The following MAP3K5 variants were observed in gnomAD, a reference collection of about 807,000 sequenced individuals.
MAP3K5 encodes the protein ASK-1.
MAP3K5 carries 56 observed loss-of-function variants against 158.7 expected under a neutral mutation model. That is an observed-to-expected ratio of 0.35 (90% confidence interval 0.28 to 0.44). The LOEUF (loss-of-function observed/expected upper bound fraction) is 0.44, where lower values mean the gene tolerates loss of function less well. Ranked by LOEUF, MAP3K5 falls within the 20% of genes least tolerant of loss-of-function variation. MAP3K5 has a pLI of 1.00. For synonymous variants in MAP3K5, 579 were observed against 601.7 expected, an observed-to-expected ratio of 0.96 and a Z score of 0.55; for missense variants, 1,294 against 1,674.8, an observed-to-expected ratio of 0.77 and a Z score of 3.97.
chr6:136,620,969 G>A (rs894980044), intron 15 of MAP3K5, among the ~76,000 whole-genome samples: 2 of 152,164 alleles, frequency 1.3e-5, no homozygotes, highest in Admixed American at 1.3e-4. Context: ...CCTTTCACAA[G>A]GCCTCACTAT....
chr6:136,589,769 C>T (rs532848941), intron 23 of MAP3K5, among the ~76,000 whole-genome samples: 1 of 152,224 alleles, frequency 6.6e-6, no homozygotes, highest in Admixed American at 6.5e-5. Flanking sequence ...AGAAGGTGGC[C>T]ATCTGCAAGC....
At chr6:136,669,452 G>T in intron 7 of MAP3K5, 57 bp from the exon 8 acceptor site, 1 of 973,418 alleles carries the variant, frequency 1.0e-6, no homozygotes, top group Admixed American at 1.9e-5. Context: ...CCCTGGGTGT[G>T]TAATAGCTTC....
intron 1 of MAP3K5, among the ~76,000 whole-genome samples, chr6:136,786,609 T>C (rs894850709): frequency 6.6e-6 from 1 of 152,046 alleles, no homozygotes; most frequent in Non-Finnish European, 1.5e-5. Context: ...GAGCATTAGC[T>C]TCACCTCAGA....
chr6:136,632,182 C>G (rs1431782638), intron 14 of MAP3K5, among the ~76,000 whole-genome samples: 1 of 152,076 alleles, frequency 6.6e-6, no homozygotes, highest in Non-Finnish European at 1.5e-5. Flanking sequence ...AAGCTACAGC[C>G]AGAGGGGGTG....
In MAP3K5 at chr6:136,669,239, G is replaced by A. The variant is rs1198753508; in HGVS notation, c.1366+44C>T. The A allele has an allele frequency of 4.0e-6, 5 of 1,258,994 alleles. No homozygotes were observed. The Admixed American group carries it at 8.5e-5, about 21-fold the overall frequency. The allele number at this position is 1,258,994 out of a possible 1,614,324, so 78.0% of individuals were successfully genotyped here. A position where few individuals can be genotyped will look rare whatever the true frequency, so the allele number is the denominator to read the frequency against. On this transcript the variant is annotated intron_variant, in intron 8 of 29. Coordinates refer to ENST00000359015, the MANE Select transcript of MAP3K5 (RefSeq NM_005923.4). ...ATTCTTTTTCTTTGCACCAAGTTGG[G>A]TCCAGTTTCTTGATTTCCATGTAAA...
chr6:136,638,232 G>A (rs1349096044), intron 13 of MAP3K5, among the ~76,000 whole-genome samples: 1 of 152,104 alleles, frequency 6.6e-6, no homozygotes, highest in Non-Finnish European at 1.5e-5. Context: ...AAAAAAATCT[G>A]GTGTTACAGA....
chr6:136,720,677 A>G (rs1781712370), intron 1 of MAP3K5, 88 bp from the exon 2 acceptor site: 1 of 972,288 alleles, frequency 1.0e-6, no homozygotes, highest in Non-Finnish European at 1.5e-6. Flanking sequence ...TTAGTATTCA[A>G]AAGAGGAAAT....
chr6:136,680,238 A>G (rs1779875888), intron 7 of MAP3K5, among the ~76,000 whole-genome samples: 1 of 152,186 alleles, frequency 6.6e-6, no homozygotes, highest in Non-Finnish European at 1.5e-5. Flanking sequence ...GCAAGATGAA[A>G]AAATTTTCTG....
In MAP3K5 at chr6:136,637,384, T is replaced by A; in HGVS notation, c.1957A>T (p.Ile653Phe). The A allele has an allele frequency of 1.2e-6, 2 of 1,609,822 alleles. No individual in the cohort carries two copies. Among genetic ancestry groups the A allele is most frequent in the Non-Finnish European group, 1.7e-6 (2 of 1,176,086 alleles). ...GTGCTTCTCCCCTTCTCTTCGGTAA[T>A]GGTGTTCACCATCTCAAAAAACCTA... The part of the protein sequence containing the change: ...CKKFFEMVNT[I>F]TEEKGRSTEE... Residue 653 changes from isoleucine to phenylalanine, a missense_variant, in exon 14 of 30, where the codon ATT becomes TTT. Around this residue, in one of 5 missense-constraint regions of MAP3K5, gnomAD observed 690 missense variants for 870.5 expected, o/e 0.79. Coordinates refer to ENST00000359015, the MANE Select transcript of MAP3K5 (RefSeq NM_005923.4).
chr6:136,714,149 T>C (rs1003460462), intron 2 of MAP3K5, among the ~76,000 whole-genome samples: 4 of 152,210 alleles, frequency 2.6e-5, no homozygotes, highest in Non-Finnish European at 5.9e-5. Context: ...GGAAGTACTG[T>C]TTTTTGTTTG....
chr6:136,634,889 CT>C (rs58485489), intron 14 of MAP3K5, among the ~76,000 whole-genome samples: 108 of 142,374 alleles, frequency 7.6e-4, no homozygotes, highest in Admixed American at 9.1e-4. Context: ...CTTTTCTTCT[CT>C]TTTTTTTTTT....
intron 7 of MAP3K5, among the ~76,000 whole-genome samples, chr6:136,681,090 A>T (rs974976586): frequency 6.6e-6 from 1 of 152,188 alleles, no homozygotes; most frequent in Non-Finnish European, 1.5e-5. Flanking sequence ...ACAATTTCAC[A>T]TTGTTAAAAA....
rs199630795 is a variant in MAP3K5 at position 136,611,233 on chromosome 6, A to G, written c.2521+49T>C. 4 of 1,169,876 alleles carry G rather than the reference A, an allele frequency of 3.4e-6. No individual in the cohort carries two copies. In the African/African-American group the frequency reaches 6.0e-5, roughly 18 times the overall value. The allele number at this position is 1,169,876 out of a possible 1,614,324, so 72.5% of individuals were successfully genotyped here. A position where few individuals can be genotyped will look rare whatever the true frequency, so the allele number is the denominator to read the frequency against. On this transcript the variant is annotated intron_variant, in intron 18 of 29. Coordinates refer to ENST00000359015, the MANE Select transcript of MAP3K5 (RefSeq NM_005923.4). ...TCTCACATTGTGCTCAAACTCAGCAATTATTTCTTTAATTACATAAGATCT... is the reference window on the plus strand; with the variant it reads ...TCTCACATTGTGCTCAAACTCAGCAGTTATTTCTTTAATTACATAAGATCT...
intron 8 of MAP3K5, among the ~76,000 whole-genome samples, chr6:136,663,964 C>T (rs1034944031): frequency 1.3e-5 from 2 of 152,016 alleles, no homozygotes; most frequent in African/African-American, 4.8e-5. Flanking sequence ...ATGACCCTGA[C>T]TTTTCGAAAA....
chr6:136,679,243 C>T (rs1216318821), intron 7 of MAP3K5, among the ~76,000 whole-genome samples: 6 of 152,068 alleles, frequency 3.9e-5, no homozygotes, highest in African/African-American at 1.2e-4. Context: ...TTTTTGCATC[C>T]GCACTGAGAC....
At chr6:136,647,573 T>C (rs944087242) in intron 11 of MAP3K5, among the ~76,000 whole-genome samples, 7 of 152,102 alleles carry the variant, frequency 4.6e-5, no homozygotes, top group Non-Finnish European at 7.4e-5. Context: ...CTAGCTTACA[T>C]AGCACTCTAG....
At chr6:136,699,706 C>G (rs6912566) in intron 3 of MAP3K5, among the ~76,000 whole-genome samples, 1 of 152,040 alleles carries the variant, frequency 6.6e-6, no homozygotes, top group South Asian at 2.1e-4. Flanking sequence ...GACTGGAGCT[C>G]GAAGCTCAGG....
chr6:136,601,758 G>C (rs984498200), intron 20 of MAP3K5, 44 bp downstream of exon 20: 8 of 1,567,900 alleles, frequency 5.1e-6, no homozygotes, highest in Non-Finnish European at 7.0e-6. Context: ...AAAAGCTTAG[G>C]ATTGAAGGAC....
intron 11 of MAP3K5, among the ~76,000 whole-genome samples, chr6:136,650,414 C>T (rs1043844045): frequency 3.9e-5 from 6 of 152,188 alleles, no homozygotes; most frequent in Non-Finnish European, 7.3e-5. Flanking sequence ...AGTGGAAAGG[C>T]TTATCCACAT....
Sources: allele counts gnomAD v4.1 joint callset (sites outside exome capture counted in the v4.1 genomes callset), GRCh38; gene constraint gnomAD v4.1.1; regional missense constraint gnomAD v4.1.1; transcripts MANE v1.5; gene names NCBI Gene and HGNC (gene_info 2026-07-23, HGNC 2026-07-21).